Variants in LRMDA observed in about 807,000 individuals in gnomAD.
The protein encoded by LRMDA is leucine-rich melanocyte differentiation-associated protein.
Under a neutral mutation model 29.8 loss-of-function variants are expected in LRMDA, and 18 were observed. The observed-to-expected ratio is 0.60, with a 90% confidence interval of 0.42 to 0.90. LRMDA has a LOEUF of 0.90. Among genes scored for constraint, LRMDA ranks in the 40% least tolerant of loss-of-function variants. LRMDA has a pLI of 0.00. For synonymous variants in LRMDA, 125 were observed against 109.4 expected (o/e 1.14, Z -0.89); for missense variants, 273 against 273.9 (o/e 1.00, Z 0.02).
intron 2 of LRMDA, among the ~76,000 whole-genome samples, chr10:75,840,563 G>A (rs1312315425): frequency 2.6e-5 from 4 of 152,192 alleles, no homozygotes; most frequent in Non-Finnish European, 5.9e-5. Flanking sequence ...CACTGTGTGT[G>A]TCTGTGTGTG....
At chr10:76,433,896 G>C (rs1028671811) in intron 6 of LRMDA, 3 of 152,174 alleles carry the variant, frequency 2.0e-5, no homozygotes, top group African/African-American at 7.2e-5. Context: ...GAATGCATTT[G>C]CATGTCAAGG....
At chr10:75,748,903 A>G (rs1172623743) in intron 2 of LRMDA, among the ~76,000 whole-genome samples, 1 of 152,220 alleles carries the variant, frequency 6.6e-6, no homozygotes, top group African/African-American at 2.4e-5. Flanking sequence ...ATATACATTT[A>G]TATGTATGTG....
chr10:76,470,755 A>G (rs1455731290), intron 6 of LRMDA, among the ~76,000 whole-genome samples: 1 of 152,044 alleles, frequency 6.6e-6, no homozygotes, highest in East Asian at 1.9e-4. Flanking sequence ...AGAAGGGAAG[A>G]GTGAGGACTT....
At chr10:75,646,520 T>A (rs1430409360) in intron 2 of LRMDA, among the ~76,000 whole-genome samples, 2 of 152,264 alleles carry the variant, frequency 1.3e-5, no homozygotes, top group Non-Finnish European at 2.9e-5. Context: ...GCTGCATACC[T>A]ACACGCTACC....
chr10:75,623,277 C>T (rs890635934), intron 2 of LRMDA, among the ~76,000 whole-genome samples: 2 of 152,178 alleles, frequency 1.3e-5, no homozygotes, highest in Admixed American at 6.5e-5. Flanking sequence ...GAGCTTTCTT[C>T]GTGGGCCCCT....
intron 2 of LRMDA, among the ~76,000 whole-genome samples, chr10:75,551,679 C>G (rs1016957353): frequency 6.6e-6 from 1 of 152,110 alleles, no homozygotes; most frequent in Non-Finnish European, 1.5e-5. Context: ...GTTTTTATGG[C>G]TGCATAGTAT....
chr10:75,960,346 G>A (rs900602617), intron 2 of LRMDA, among the ~76,000 whole-genome samples: 1 of 152,142 alleles, frequency 6.6e-6, no homozygotes, highest in Non-Finnish European at 1.5e-5. Context: ...ATTTTAAGCA[G>A]CAATGTTTAA....
At chr10:75,676,712 C>G (rs1236750263) in intron 2 of LRMDA, among the ~76,000 whole-genome samples, 1 of 152,130 alleles carries the variant, frequency 6.6e-6, no homozygotes, top group Non-Finnish European at 1.5e-5. Flanking sequence ...TTGAATGACA[C>G]CTCTCTTAGG....
At chr10:75,507,242 T>C (rs1438160850) in intron 2 of LRMDA, among the ~76,000 whole-genome samples, 1 of 152,116 alleles carries the variant, frequency 6.6e-6, no homozygotes, top group African/African-American at 2.4e-5. Flanking sequence ...GAAAGATGGC[T>C]GGCTGGAAGC....
intron 2 of LRMDA, among the ~76,000 whole-genome samples, chr10:75,840,432 CT>C (rs1253873945): frequency 6.6e-6 from 1 of 152,208 alleles, no homozygotes; most frequent in Non-Finnish European, 1.5e-5. Flanking sequence ...ACAATGAGTT[CT>C]CTTTTGTAGA....
intron 5 of LRMDA, among the ~76,000 whole-genome samples, chr10:76,283,489 A>G (rs535448142): frequency 1.3e-5 from 2 of 152,282 alleles, no homozygotes; most frequent in Non-Finnish European, 2.9e-5. Flanking sequence ...AATTTCAGTG[A>G]TCTGTACTGA....
intron 6 of LRMDA, among the ~76,000 whole-genome samples, chr10:76,470,928 G>C (rs772452137): frequency 6.6e-6 from 1 of 151,836 alleles, no homozygotes; most frequent in African/African-American, 2.4e-5. Flanking sequence ...GGTAAATTTT[G>C]TTATGCACGT....
chr10:75,438,030 G>A (rs1844281207), intron 1 of LRMDA, among the ~76,000 whole-genome samples: 2 of 152,198 alleles, frequency 1.3e-5, no homozygotes. Context: ...GGAGAAGAAG[G>A]GGCAGAGGAG....
intron 2 of LRMDA, among the ~76,000 whole-genome samples, chr10:75,790,451 G>A (rs1401214113): frequency 6.6e-6 from 1 of 152,234 alleles, no homozygotes; most frequent in African/African-American, 2.4e-5. Flanking sequence ...TTTGTGGAAA[G>A]AGAGGTGGGA....
chr10:76,379,473 C>T (rs1000768037), intron 6 of LRMDA, among the ~76,000 whole-genome samples: 1 of 151,862 alleles, frequency 6.6e-6, no homozygotes, highest in Non-Finnish European at 1.5e-5. Context: ...ATATATTTAT[C>T]GATTTCCTAT....
intron 2 of LRMDA, among the ~76,000 whole-genome samples, chr10:75,876,078 G>T (rs1297496859): frequency 6.6e-6 from 1 of 152,114 alleles, no homozygotes; most frequent in Non-Finnish European, 1.5e-5. Flanking sequence ...TATGAGACCT[G>T]ACTGGGGAAC....
chr10:75,905,029 C>G (rs1390547104), intron 2 of LRMDA, among the ~76,000 whole-genome samples: 1 of 152,162 alleles, frequency 6.6e-6, no homozygotes, highest in Non-Finnish European at 1.5e-5. Flanking sequence ...ACTCTATCTG[C>G]AGCGTGCATC....
intron 2 of LRMDA, among the ~76,000 whole-genome samples, chr10:75,483,162 G>C (rs1844872067): frequency 6.6e-6 from 1 of 152,026 alleles, no homozygotes; most frequent in Non-Finnish European, 1.5e-5. Flanking sequence ...ACCCAGGCTG[G>C]TCTTGAACTC....
intron 6 of LRMDA, among the ~76,000 whole-genome samples, chr10:76,402,527 C>CT (rs1051253945): frequency 2.4e-4 from 37 of 151,874 alleles, no homozygotes; most frequent in African/African-American, 8.0e-4. Context: ...AATTTTTAAT[C>CT]TTTTTTTGTA....
Sources: gnomAD v4.1 joint callset for allele counts (sites outside exome capture counted in the v4.1 genomes callset) on GRCh38, gnomAD v4.1.1 for gene constraint, MANE v1.5 for transcripts, NCBI Gene and HGNC (gene_info 2026-07-23, HGNC 2026-07-21) for gene names.